RFX2: variants seen among roughly 807,000 people sequenced by gnomAD.
RFX2 encodes the protein regulatory factor X2.
In RFX2, 20 loss-of-function variants were observed where a neutral mutation model predicts 87.8. The observed-to-expected ratio is 0.23, with a 90% CI of 0.16 to 0.33. RFX2 has a LOEUF of 0.33. Among genes scored for constraint, RFX2 ranks in the 10% least tolerant of loss-of-function variants. The pLI, the probability that RFX2 is intolerant of heterozygous loss-of-function variation, is 1.00. For synonymous variants in RFX2, 397 were observed against 431.3 expected (o/e 0.92, Z 0.98); for missense variants, 767 against 1,012.3 (o/e 0.76, Z 3.29).
At position 6,021,343 on chromosome 19, in the gene RFX2, C is replaced by G. The variant is rs2086808056; in HGVS notation, c.597+4820G>C. Among the ~76,000 whole-genome samples, 1 of 152,184 alleles carries G rather than the reference C, an allele frequency of 6.6e-6. No homozygotes were observed. Among genetic ancestry groups the G allele is most frequent in the African/African-American group, 2.4e-5 (1 of 41,450 alleles). ...CGAATAAAAGACAAAAACCCCTGCC[C>G]CCTGGAAGCGTCCGTTCTTGTCTGG... On this transcript the variant is annotated intron_variant, in intron 6 of 17. Transcript: ENST00000303657. The surrounding 1 kb of genome is among the most constrained non-coding windows in gnomAD (Gnocchi z 5.7).
rs1398043867 is a variant in RFX2 at position 6,022,055 on chromosome 19, A to T, written c.597+4108T>A. 1.3e-5 allele frequency among the ~76,000 whole-genome samples: 2 copies of T among 151,874 alleles called. No individual in the cohort carries two copies. The highest frequency in any genetic ancestry group is 2.9e-5 in the Non-Finnish European group (2 of 67,984). ...GAGAGGAGCAAGGAGGCGAGGACGC[A>T]GTGGGGTTGGGGGCCGAGCGCCTGG... is the stretch of plus-strand genomic sequence containing the variant. On this transcript the variant is annotated intron_variant, in intron 6 of 17. Transcript: ENST00000303657. The surrounding 1 kb of genome is among the most constrained non-coding windows in gnomAD (Gnocchi z 6.2).
chr19:6,093,714 T>C (rs2087978710), intron 1 of RFX2, among the ~76,000 whole-genome samples: 1 of 151,526 alleles, frequency 6.6e-6, no homozygotes, highest in Admixed American at 6.6e-5. Context: ...AGATCTCTTT[T>C]TTGAAGAAGA....
In RFX2 at chr19:6,016,014, C is replaced by T; in HGVS notation, c.779+76G>A. The T allele has an allele frequency of 7.1e-7, 1 of 1,398,826 alleles. No homozygotes were observed. The highest frequency in any genetic ancestry group is 9.7e-7 in the Non-Finnish European group (1 of 1,034,058). 86.7% of individuals were successfully genotyped at this position (1,398,826 alleles called of 1,614,324 possible). On this transcript the variant is annotated intron_variant, in intron 7 of 17. Transcript: ENST00000303657. This position sits in a 1 kb window ranked among gnomAD's most constrained non-coding sequence, Gnocchi z 5.4. The stretch of plus-strand genomic sequence containing the variant: ...AGGCCACCTGGAAAGGAGGAGGAAG[C>T]CTCGCATTTTCCCAAAAGCTCCATT...
At chr19:6,072,682 G>A (rs1599906043) in intron 1 of RFX2, 2 of 386,632 alleles carry the variant, frequency 5.2e-6, no homozygotes, top group East Asian at 1.2e-4. Context: ...TCCAGCCTGG[G>A]CGACAGAGAG....
chr19:5,997,568 C>T lies in RFX2; in HGVS notation c.1860-355G>A, dbSNP rs944961912. On this transcript the variant is annotated intron_variant, in intron 15 of 17. Transcript: ENST00000303657. This position sits in a 1 kb window ranked among gnomAD's most constrained non-coding sequence, Gnocchi z 4.2. ...CTGGTGAGTCTTTCTAGTGACATTTCGGACTCCGAATCAGAGCACAGGCTG... is the reference window on the plus strand; with the variant it reads ...CTGGTGAGTCTTTCTAGTGACATTTTGGACTCCGAATCAGAGCACAGGCTG... 1.1e-4 allele frequency among the ~76,000 whole-genome samples: 17 copies of T among 152,200 alleles called. No homozygotes were observed. Among genetic ancestry groups the T allele is most frequent in the African/African-American group, 3.9e-4 (16 of 41,454 alleles).
chr19:6,034,054 G>A (rs1568516640), intron 5 of RFX2, among the ~76,000 whole-genome samples: 1 of 151,994 alleles, frequency 6.6e-6, no homozygotes, highest in African/African-American at 2.4e-5. Context: ...GATGGTAGGA[G>A]TACCCAAGTG....
chr19:6,043,200 G>A (rs2087135845), intron 3 of RFX2, among the ~76,000 whole-genome samples: 1 of 152,230 alleles, frequency 6.6e-6, no homozygotes, highest in African/African-American at 2.4e-5. Context: ...AAAAGTGGTG[G>A]AAGCTTCTGG....
At chr19:6,100,589 T>G (rs1251845718) in intron 1 of RFX2, among the ~76,000 whole-genome samples, 1 of 151,734 alleles carries the variant, frequency 6.6e-6, no homozygotes. Flanking sequence ...GGCACTAGAA[T>G]AAGAAGAGAA....
chr19:6,009,257 T>C (rs2086629156), intron 9 of RFX2, among the ~76,000 whole-genome samples: 1 of 152,094 alleles, frequency 6.6e-6, no homozygotes, highest in South Asian at 2.1e-4. Flanking sequence ...AAAAAGATCA[T>C]AAACGACATG....
Position 6,040,249 on chromosome 19 carries a change from A to G in RFX2, c.261-8T>C. Reference sequence around the variant, plus strand: ...TAGGTGTAGGCTGTTCGTCTGTTAGAAAGAGAGAAGTCACGCATGGGACGC... The same window carrying G: ...TAGGTGTAGGCTGTTCGTCTGTTAGGAAGAGAGAAGTCACGCATGGGACGC... On this transcript the variant is annotated splice_polypyrimidine_tract_variant and splice_region_variant and intron_variant, in intron 4 of 17. Coordinates refer to ENST00000303657, the MANE Select transcript of RFX2 (RefSeq NM_000635.4). The surrounding 1 kb of genome is among the most constrained non-coding windows in gnomAD (Gnocchi z 6.1). 1 of 1,532,100 alleles carries G rather than the reference A, an allele frequency of 6.5e-7. No homozygotes were observed. The highest frequency in any genetic ancestry group is 8.8e-7 in the Non-Finnish European group (1 of 1,133,964). 94.9% of individuals were successfully genotyped at this position (1,532,100 alleles called of 1,614,324 possible). A position where few individuals can be genotyped will look rare whatever the true frequency, so the allele number is the denominator to read the frequency against.
intron 5 of RFX2, among the ~76,000 whole-genome samples, chr19:6,035,595 C>G (rs1214964709): frequency 1.3e-5 from 2 of 152,108 alleles, no homozygotes; most frequent in African/African-American, 4.8e-5. Flanking sequence ...GTCTTTAGGA[C>G]TAAGCGAAAG....
intron 1 of RFX2, among the ~76,000 whole-genome samples, chr19:6,100,326 A>G (rs9676759): frequency 0.023 from 3,451 of 152,280 alleles, 140 homozygotes; most frequent in African/African-American, 0.079. Flanking sequence ...CAAAAGTAGT[A>G]AGAAAGTGCC....
At chr19:6,034,735 A>C (rs2086997982) in intron 5 of RFX2, among the ~76,000 whole-genome samples, 1 of 152,148 alleles carries the variant, frequency 6.6e-6, no homozygotes, top group African/African-American at 2.4e-5. Flanking sequence ...TGATTCTGTC[A>C]TGAGCTGTGC....
At position 6,039,169 on chromosome 19, in the gene RFX2, A is replaced by G. The variant is rs1223837072; in HGVS notation, c.522+811T>C. On this transcript the variant is annotated intron_variant, in intron 5 of 17. Transcript: ENST00000303657. The surrounding 1 kb of genome is among the most constrained non-coding windows in gnomAD (Gnocchi z 5.2). ...TCGGATTCATGCAGCAACTTGACTG[A>G]ATCTCAAAGGCACCAGAATGAGTAA... Among the ~76,000 whole-genome samples, 2 of 152,238 alleles carry G rather than the reference A, an allele frequency of 1.3e-5. No homozygotes were observed. Among genetic ancestry groups the G allele is most frequent in the Non-Finnish European group, 2.9e-5 (2 of 68,040 alleles).
intron 1 of RFX2, among the ~76,000 whole-genome samples, chr19:6,082,068 C>T (rs1043950932): frequency 6.6e-6 from 1 of 152,104 alleles, no homozygotes; most frequent in Non-Finnish European, 1.5e-5. Context: ...GCACTCTAGC[C>T]TAGGCGACAG....
chr19:5,995,040 C>T (rs554573202), intron 17 of RFX2, 90 bp from the exon 18 acceptor site: 79 of 1,030,564 alleles, frequency 7.7e-5, no homozygotes, highest in Non-Finnish European at 8.9e-5. Flanking sequence ...TGCTCCGGCA[C>T]GCCAGGCAGG....
In RFX2 at chr19:6,012,718, C is replaced by T. The variant is rs893057743; in HGVS notation, c.899+268G>A. On this transcript the variant is annotated intron_variant, in intron 8 of 17. Transcript: ENST00000303657. This position sits in a 1 kb window ranked among gnomAD's most constrained non-coding sequence, Gnocchi z 4.6. ...ACTTTCTACTCAATTTTGCTGTGAA[C>T]CTAGAATGGCTCTAAAAAATGAAGT... Among the ~76,000 whole-genome samples the T allele has an allele frequency of 6.6e-6, 1 of 152,004 alleles. No homozygotes were observed. Among genetic ancestry groups the T allele is most frequent in the African/African-American group, 2.4e-5 (1 of 41,360 alleles).
chr19:6,080,309 G>A (rs1304247433), intron 1 of RFX2, among the ~76,000 whole-genome samples: 2 of 151,048 alleles, frequency 1.3e-5, no homozygotes, highest in Admixed American at 6.6e-5. Flanking sequence ...GGCTGGTTTC[G>A]AACTTTCAGC....
intron 1 of RFX2, chr19:6,068,021 A>C (rs2087538626): frequency 6.6e-6 from 1 of 152,176 alleles, no homozygotes; most frequent in Non-Finnish European, 1.5e-5. Context: ...TTAGAATTTG[A>C]ATCTGTGTTG....
Sources: gnomAD v4.1 joint callset for allele counts (sites outside exome capture counted in the v4.1 genomes callset) on GRCh38, gnomAD v4.1.1 for gene constraint, Gnocchi (gnomAD v3.1) non-coding constraint, MANE v1.5 for transcripts, NCBI Gene and HGNC (gene_info 2026-07-23, HGNC 2026-07-21) for gene names.